Variants in CCNI observed in about 807,000 individuals in gnomAD.
CCNI encodes the protein cyclin-I.
A neutral mutation model predicts 34.1 loss-of-function variants in CCNI; 14 were observed. The ratio of observed to expected loss-of-function variants is 0.41; its 90% CI spans 0.27 to 0.64. CCNI has a LOEUF of 0.64. Ranked by LOEUF, CCNI falls within the 30% of genes least tolerant of loss-of-function variation. The pLI is 0.31. For synonymous variants in CCNI, 154 were observed against 158.4 expected, an observed-to-expected ratio of 0.97 and a Z score of 0.21; for missense variants, 385 against 440.5, an observed-to-expected ratio of 0.87 and a Z score of 1.13.
At chr4:77,070,545 G>C (rs1039812011) in intron 1 of CCNI, among the ~76,000 whole-genome samples, 3 of 146,976 alleles carry the variant, frequency 2.0e-5, no homozygotes, top group Admixed American at 6.9e-5. Flanking sequence ...AAAGAAAAAA[G>C]GTCATCCTGT....
intron 6 of CCNI, 89 bp from the exon 7 acceptor site, chr4:77,048,751 T>C: frequency 1.0e-6 from 1 of 957,332 alleles, no homozygotes; most frequent in Non-Finnish European, 1.5e-6. Context: ...TTTTCCTCCC[T>C]GTGCTTTCCG....
intron 1 of CCNI, among the ~76,000 whole-genome samples, chr4:77,070,375 C>T (rs958950719): frequency 7.3e-5 from 11 of 150,442 alleles, no homozygotes; most frequent in South Asian, 2.1e-4. Flanking sequence ...ATATAATTTA[C>T]GGTCAACAAA....
At chr4:77,059,246 T>C (rs946055413) in intron 2 of CCNI, among the ~76,000 whole-genome samples, 4 of 152,018 alleles carry the variant, frequency 2.6e-5, no homozygotes, top group African/African-American at 7.2e-5. Flanking sequence ...TTTATTGTTG[T>C]TGTAAGCCTA....
chr4:77,074,600 A>C (rs1729753976), intron 1 of CCNI, among the ~76,000 whole-genome samples: 1 of 152,282 alleles, frequency 6.6e-6, no homozygotes, highest in Non-Finnish European at 1.5e-5. Flanking sequence ...TCCTACTACC[A>C]GCCTTGGGGG....
At chr4:77,056,992 T>C (rs1000339970) in intron 3 of CCNI, among the ~76,000 whole-genome samples, 2 of 152,182 alleles carry the variant, frequency 1.3e-5, no homozygotes, top group African/African-American at 4.8e-5. Context: ...TTAACCAAAG[T>C]TCATTTCTAT....
rs199979007 is a variant in CCNI at position 77,060,351 on chromosome 4, CTAA to C, written c.115-1719_115-1717del. Among the ~76,000 whole-genome samples, 42 of 152,304 alleles carry C rather than the reference CTAA, an allele frequency of 2.8e-4. No homozygotes were observed. In the East Asian group the frequency reaches 7.3e-3, roughly 27 times the overall value. The stretch of plus-strand genomic sequence containing the variant: ...TCCCACCTCTAAACTACCCAATTCT[CTAA>C]TAATGTCAGAAAAACAAATTTACAA... On this transcript the variant is annotated intron_variant, in intron 2 of 6. Transcript: ENST00000237654.
Position 77,048,082 on chromosome 4 carries a change from T to G in CCNI, c.*137A>C. On this transcript the variant is annotated 3_prime_UTR_variant, in exon 7 of 7. Coordinates refer to ENST00000237654, the MANE Select transcript of CCNI (RefSeq NM_006835.3). ...TAATTAGCCACACAAATAATGAGAG[T>G]TTTATTTTTTTTTTCTGGCTCACTC... 3.5e-6 allele frequency: 2 copies of G among 566,454 alleles called. No homozygotes were observed. Among genetic ancestry groups the G allele is most frequent in the Non-Finnish European group, 3.0e-6 (1 of 328,212 alleles). The allele number at this position is 566,454 out of a possible 1,614,324, so 35.1% of individuals were successfully genotyped here.
At chr4:77,073,534 G>A (rs963715070) in intron 1 of CCNI, among the ~76,000 whole-genome samples, 11 of 152,186 alleles carry the variant, frequency 7.2e-5, no homozygotes, top group African/African-American at 2.7e-4. Context: ...ACAAGAAACT[G>A]AAGTTCTACT....
chr4:77,059,003 G>A (rs1399495488), intron 2 of CCNI, among the ~76,000 whole-genome samples: 2 of 152,068 alleles, frequency 1.3e-5, no homozygotes, highest in Non-Finnish European at 2.9e-5. Flanking sequence ...AGAAAATACA[G>A]TGAATTTCTC....
At chr4:77,068,569 G>A (rs1022146142) in intron 1 of CCNI, among the ~76,000 whole-genome samples, 4 of 152,146 alleles carry the variant, frequency 2.6e-5, no homozygotes, top group African/African-American at 7.2e-5. Context: ...TAAGAAAAGG[G>A]TGAGAAAGGC....
At chr4:77,048,822 C>T (rs2110003391) in intron 6 of CCNI, among the ~76,000 whole-genome samples, 160 bp from the exon 7 acceptor site, 1 of 152,176 alleles carries the variant, frequency 6.6e-6, no homozygotes, top group South Asian at 2.1e-4. Context: ...ATCCAGCTAC[C>T]CATCCATCAA....
intron 1 of CCNI, chr4:77,074,996 TC>T (rs919825785): frequency 3.6e-5 from 3 of 82,240 alleles, no homozygotes; most frequent in African/African-American, 4.8e-5. Context: ...AACGTTGCCC[TC>T]CCCCGAATTT....
At chr4:77,072,468 A>C (rs1017876222) in intron 1 of CCNI, among the ~76,000 whole-genome samples, 1 of 146,902 alleles carries the variant, frequency 6.8e-6, no homozygotes, top group Non-Finnish European at 1.5e-5. Flanking sequence ...AAAAAAAAAA[A>C]AAAAAAAAAT....
rs1729905757 is a variant in CCNI, at chr4:77,075,738, G to A, written c.-310C>T. 1 of 197,910 alleles carries A rather than the reference G, an allele frequency of 5.1e-6. No individual in the cohort carries two copies. Among genetic ancestry groups the A allele is most frequent in the Non-Finnish European group, 9.1e-6 (1 of 109,950 alleles). 12.3% of individuals were successfully genotyped at this position (197,910 alleles called of 1,614,324 possible). A position where few individuals can be genotyped will look rare whatever the true frequency, so the allele number is the denominator to read the frequency against. ...GTTCCATGATGACCCCCGGCCTGAGGCCGCCGCCGCTCGAGCCCGGGTTGG... is the reference window on the plus strand; with the variant it reads ...GTTCCATGATGACCCCCGGCCTGAGACCGCCGCCGCTCGAGCCCGGGTTGG... On this transcript the variant is annotated 5_prime_UTR_variant, in exon 1 of 7. Coordinates refer to ENST00000237654, the MANE Select transcript of CCNI (RefSeq NM_006835.3).
At chr4:77,068,689 C>A (rs1361397568) in intron 1 of CCNI, among the ~76,000 whole-genome samples, 1 of 141,038 alleles carries the variant, frequency 7.1e-6, no homozygotes, top group Non-Finnish European at 1.6e-5. Flanking sequence ...GATTCATGGG[C>A]TCTAAGAATT....
At chr4:77,060,747 C>T (rs1728550817) in intron 2 of CCNI, among the ~76,000 whole-genome samples, 1 of 152,106 alleles carries the variant, frequency 6.6e-6, no homozygotes, top group South Asian at 2.1e-4. Flanking sequence ...GCCTCAGCCT[C>T]CCAAGTAGCT....
chr4:77,049,805 T>TA (rs1419030769), intron 6 of CCNI, among the ~76,000 whole-genome samples: 1 of 152,204 alleles, frequency 6.6e-6, no homozygotes, highest in Admixed American at 6.5e-5. Context: ...CATTGTATTA[T>TA]ATTCATCTTT....
intron 2 of CCNI, among the ~76,000 whole-genome samples, chr4:77,064,499 T>C (rs2109828444): frequency 6.6e-6 from 1 of 152,028 alleles, no homozygotes; most frequent in African/African-American, 2.4e-5. Flanking sequence ...CCTAGAATAG[T>C]GCCTAGAGTA....
At position 77,047,860 on chromosome 4, in the gene CCNI, G is replaced by C. The variant is rs12186; in HGVS notation, c.*359C>G. The C allele has an allele frequency of 0.039, 6,936 of 177,998 alleles. 207 individuals are homozygous for C. Among genetic ancestry groups the C allele is most frequent in the African/African-American group, 0.086 (3,612 of 42,118 alleles). 11.0% of individuals were successfully genotyped at this position (177,998 alleles called of 1,614,324 possible). ...CAAAAGCAACAGGAAAATTAAATCA[G>C]GATGCTGAGGGGGAACAGGATTGCT... On this transcript the variant is annotated 3_prime_UTR_variant, in exon 7 of 7. Coordinates refer to ENST00000237654, the MANE Select transcript of CCNI (RefSeq NM_006835.3).
Sources: allele counts gnomAD v4.1 joint callset (sites outside exome capture counted in the v4.1 genomes callset), GRCh38; gene constraint gnomAD v4.1.1; transcripts MANE v1.5; gene names NCBI Gene and HGNC (gene_info 2026-07-23, HGNC 2026-07-21).